BCAS1: variants seen among roughly 807,000 people sequenced by gnomAD.
BCAS1 encodes the protein brain enriched myelin associated protein 1, also known as breast carcinoma-amplified sequence 1.
In BCAS1, 46 loss-of-function variants were observed where a neutral mutation model predicts 65.4. That is an observed-to-expected ratio of 0.70 (90% CI 0.55 to 0.90). BCAS1 has a LOEUF of 0.90. Among genes scored for constraint, BCAS1 ranks in the 40% least tolerant of loss-of-function variants. The pLI, the probability that BCAS1 is intolerant of heterozygous loss-of-function variation, is 0.00. For missense variants in BCAS1, 793 were observed against 771.2 expected (o/e 1.03, Z -0.33); for synonymous variants, 298 against 293.5 (o/e 1.02, Z -0.16).
intron 3 of BCAS1, among the ~76,000 whole-genome samples, chr20:54,049,199 CCACTTA>C (rs1450444877): frequency 6.6e-6 from 1 of 152,140 alleles, no homozygotes; most frequent in Non-Finnish European, 1.5e-5. Context: ...TAAAATGATT[CCACTTA>C]CATCTTTTTT....
At chr20:53,945,413 T>TA (rs1491045818) in intron 12 of BCAS1, among the ~76,000 whole-genome samples, 7 of 142,692 alleles carry the variant, frequency 4.9e-5, no homozygotes, top group African/African-American at 1.5e-4. Flanking sequence ...TCTTTTTTTT[T>TA]TATTATACTT....
Position 53,975,398 on chromosome 20 carries a change from C to T in BCAS1, c.1308G>A (p.Ala436=), listed in dbSNP as rs139421363. ...GGTGTGTGTAACTTACATTCTCCTCCGCACCTGTGGGGACTGAGTCCTCTT... is the reference window on the plus strand; with the variant it reads ...GGTGTGTGTAACTTACATTCTCCTCTGCACCTGTGGGGACTGAGTCCTCTT... ...SVKEDSVPTG[A]EENVVCESPV... is the part of the protein sequence containing the mutation. Residue 436 remains alanine (A), a synonymous_variant, in exon 9 of 13, where the codon GCG becomes GCA. Coordinates refer to ENST00000688948, the MANE Select transcript of BCAS1 (RefSeq NM_001366298.2). The T allele has an allele frequency of 2.3e-4, 370 of 1,611,906 alleles. No individual in the cohort carries two copies. Among genetic ancestry groups the T allele is most frequent in the Non-Finnish European group, 2.6e-4 (302 of 1,178,566 alleles).
chr20:54,012,790 T>C (rs1366238550), intron 4 of BCAS1, among the ~76,000 whole-genome samples: 3 of 152,216 alleles, frequency 2.0e-5, no homozygotes, highest in Non-Finnish European at 4.4e-5. Context: ...ATTCCAATTA[T>C]ACAGATGAAG....
intron 3 of BCAS1, among the ~76,000 whole-genome samples, chr20:54,047,504 G>C (rs1370050007): frequency 6.6e-6 from 1 of 152,240 alleles, no homozygotes; most frequent in Non-Finnish European, 1.5e-5. Context: ...CACTGAGTTT[G>C]AGAAGGATGA....
intron 1 of BCAS1, among the ~76,000 whole-genome samples, chr20:54,059,953 G>A (rs928081692): frequency 1.3e-5 from 2 of 152,210 alleles, no homozygotes; most frequent in African/African-American, 4.8e-5. Flanking sequence ...TAGGGTTACA[G>A]CTGTAAATTA....
intron 1 of BCAS1, among the ~76,000 whole-genome samples, chr20:54,059,122 T>C (rs2092345187): frequency 6.6e-6 from 1 of 152,110 alleles, no homozygotes; most frequent in Non-Finnish European, 1.5e-5. Flanking sequence ...CATGATCCAA[T>C]TACCTCCACC....
chr20:54,023,835 C>T (rs548592101), intron 4 of BCAS1, among the ~76,000 whole-genome samples: 1 of 152,336 alleles, frequency 6.6e-6, no homozygotes, highest in South Asian at 2.1e-4. Flanking sequence ...CAAGTTAGGA[C>T]TTGTGCCTTT....
chr20:54,046,485 T>G lies in BCAS1; in HGVS notation c.142+11600A>C, dbSNP rs1307769938. Among the ~76,000 whole-genome samples, 15 of 137,546 alleles carry G rather than the reference T, an allele frequency of 1.1e-4. No individual in the cohort carries two copies. In the East Asian group the frequency reaches 2.8e-3, roughly 26 times the overall value. The allele number at this position is 137,546 out of a possible 152,430, so 90.2% of individuals were successfully genotyped here. On this transcript the variant is annotated intron_variant, in intron 3 of 12. Coordinates refer to ENST00000688948, the MANE Select transcript of BCAS1 (RefSeq NM_001366298.2). The stretch of plus-strand genomic sequence containing the variant: ...CAGAGGTTGCAGTGAGCCAAGATCA[T>G]GCCACTGCACTCCAGCCTGGTGGAC...
At chr20:54,032,388 C>A (rs1368684431) in intron 3 of BCAS1, among the ~76,000 whole-genome samples, 1 of 151,384 alleles carries the variant, frequency 6.6e-6, no homozygotes, top group Non-Finnish European at 1.5e-5. Context: ...AGTACACAGA[C>A]CAGTGACATT....
At chr20:53,986,323 T>C (rs1371841472) in intron 7 of BCAS1, among the ~76,000 whole-genome samples, 1 of 152,150 alleles carries the variant, frequency 6.6e-6, no homozygotes, top group African/African-American at 2.4e-5. Flanking sequence ...ATCTGATTTC[T>C]TCAGCAAGGG....
chr20:54,053,743 C>G (rs1243977004), intron 3 of BCAS1, among the ~76,000 whole-genome samples: 1 of 152,214 alleles, frequency 6.6e-6, no homozygotes, highest in Admixed American at 6.5e-5. Context: ...TCCCATTTTA[C>G]AGATGACAGA....
At chr20:53,981,098 G>A (rs78935420) in intron 8 of BCAS1, among the ~76,000 whole-genome samples, 4,235 of 152,238 alleles carry the variant, frequency 0.028, 212 homozygotes, top group African/African-American at 0.092. Context: ...CAATTCTTAA[G>A]GTTTCTTTAA....
chr20:53,979,657 C>T (rs1050733753), intron 8 of BCAS1, among the ~76,000 whole-genome samples: 57 of 152,248 alleles, frequency 3.7e-4, no homozygotes, highest in Admixed American at 3.7e-3. Flanking sequence ...TTGGGGGTGA[C>T]CACCCAGTAG....
At chr20:54,023,674 G>A (rs532982962) in intron 4 of BCAS1, among the ~76,000 whole-genome samples, 35 of 152,324 alleles carry the variant, frequency 2.3e-4, no homozygotes, top group African/African-American at 8.2e-4. Flanking sequence ...AGAAATTTAA[G>A]GGAAGGGTGG....
chr20:53,985,268 G>A lies in BCAS1; in HGVS notation c.1275+19C>T, dbSNP rs200179696. ...ATCCCCGCCCGGACGACTCTCTAAC[G>A]CTTGAAAATCAGACTTACCTTTTTC... On this transcript the variant is annotated intron_variant, in intron 8 of 12. Transcript: ENST00000688948. The A allele has an allele frequency of 1.1e-5, 18 of 1,610,708 alleles. No individual in the cohort carries two copies. Among genetic ancestry groups the A allele is most frequent in the South Asian group, 6.6e-5 (6 of 90,964 alleles).
chr20:54,007,099 A>T (rs1600850538), intron 4 of BCAS1, among the ~76,000 whole-genome samples: 1 of 152,276 alleles, frequency 6.6e-6, no homozygotes, highest in East Asian at 1.9e-4. Flanking sequence ...GCCTGGGTCC[A>T]CTGCTCTGAG....
At chr20:54,010,024 A>G (rs549455258) in intron 4 of BCAS1, among the ~76,000 whole-genome samples, 3 of 152,328 alleles carry the variant, frequency 2.0e-5, no homozygotes, top group East Asian at 1.9e-4. Context: ...ACAAAATTCA[A>G]TCCTCCATTC....
In BCAS1 at chr20:53,957,549, G is replaced by GAATGC. The variant is rs751764288; in HGVS notation, c.1486-57_1486-53dup. The GAATGC allele has an allele frequency of 5.2e-6, 8 of 1,538,098 alleles. No individual in the cohort carries two copies. In the South Asian group the frequency reaches 6.7e-5, roughly 13 times the overall value. On this transcript the variant is annotated intron_variant, in intron 10 of 12. Coordinates refer to ENST00000688948, the MANE Select transcript of BCAS1 (RefSeq NM_001366298.2). ...TCAGCCACAAGTACAGTGACGTGGA[G>GAATGC]AATGCAAGAAAGTTCTGAAATGGAT...
intron 3 of BCAS1, among the ~76,000 whole-genome samples, chr20:54,034,119 G>A (rs2091854367): frequency 6.6e-6 from 1 of 151,336 alleles, no homozygotes; most frequent in Admixed American, 6.6e-5. Context: ...ACTAGGTATT[G>A]AAGGAACATA....
Sources: allele counts gnomAD v4.1 joint callset (sites outside exome capture counted in the v4.1 genomes callset), GRCh38; gene constraint gnomAD v4.1.1; transcripts MANE v1.5; gene names NCBI Gene and HGNC (gene_info 2026-07-23, HGNC 2026-07-21).